The following KRABD1 variants were observed in gnomAD, a reference collection of about 807,000 sequenced individuals.
KRABD1 encodes the protein KRAB domain containing 1, also known as KRAB domain-containing protein 1.
the KRABD1 span, chr3:42,941,107 G>A: frequency 1.1e-4 from 99 of 870,880 alleles, no homozygotes; most frequent in Admixed American, 9.6e-4. Context: ...CTGTAGGCAC[G>A]TGAAGGACCC....
At chr3:42,941,178 C>T in the KRABD1 span, 1 of 1,520,276 alleles carries the variant, frequency 6.6e-7, no homozygotes, top group Non-Finnish European at 8.8e-7. Flanking sequence ...CAGATTTGAC[C>T]ATCACCAAAG....
At chr3:42,938,946 T>C in the KRABD1 span, 4 of 1,529,670 alleles carry the variant, frequency 2.6e-6, no homozygotes, top group South Asian at 1.2e-5. Context: ...GCTGTTTTTT[T>C]CTATCTCTGT....
At chr3:42,940,431 TA>T in the KRABD1 span, among the ~76,000 whole-genome samples, 1 of 152,194 alleles carries the variant, frequency 6.6e-6, no homozygotes, top group African/African-American at 2.4e-5. Context: ...CCAAGGTAAT[TA>T]AAAATACATA....
At chr3:42,940,169 CA>C in the KRABD1 span, among the ~76,000 whole-genome samples, 1 of 152,154 alleles carries the variant, frequency 6.6e-6, no homozygotes, top group South Asian at 2.1e-4. Context: ...AGGCATGGGT[CA>C]AAGTTCTTTT....
the KRABD1 span, chr3:42,942,099 A>G: frequency 2.8e-6 from 4 of 1,426,546 alleles, no homozygotes; most frequent in African/African-American, 4.2e-5. Context: ...GTTCTTCTCC[A>G]GCTTTGTCTC....
At chr3:42,941,919 A>G in the KRABD1 span, 1 of 1,262,266 alleles carries the variant, frequency 7.9e-7, no homozygotes, top group Non-Finnish European at 1.1e-6. Flanking sequence ...CCCTATGACT[A>G]TGCTCATTAT....
the KRABD1 span, among the ~76,000 whole-genome samples, chr3:42,940,518 A>G: frequency 6.6e-6 from 1 of 152,304 alleles, no homozygotes; most frequent in African/African-American, 2.4e-5. Flanking sequence ...TGTTAAGACC[A>G]TTTCCACTAG....
At chr3:42,941,330 C>A in the KRABD1 span, 1 of 1,599,206 alleles carries the variant, frequency 6.3e-7, no homozygotes, top group Non-Finnish European at 8.5e-7. Flanking sequence ...TGCTGGAGAA[C>A]TATGAGGCTG....
the KRABD1 span, chr3:42,941,488 G>T: frequency 2.2e-6 from 2 of 925,684 alleles, no homozygotes; most frequent in South Asian, 4.2e-5. Flanking sequence ...ACTTGCGAAA[G>T]GCTTTCCTTC....
chr3:42,942,526 C>T, the KRABD1 span: 1 of 785,200 alleles, frequency 1.3e-6, no homozygotes. Context: ...TTATGATTTT[C>T]CTCCTCTCTA....
chr3:42,941,311 G>A, the KRABD1 span: 1 of 1,600,026 alleles, frequency 6.2e-7, no homozygotes, highest in African/African-American at 1.3e-5. Context: ...GCCTTGTACA[G>A]GGATGTGATG....
At chr3:42,941,116 C>A in the KRABD1 span, 1 of 1,034,146 alleles carries the variant, frequency 9.7e-7, no homozygotes. Flanking sequence ...CGTGAAGGAC[C>A]CAATACTGAA....
the KRABD1 span, among the ~76,000 whole-genome samples, chr3:42,940,201 A>G: frequency 0.15 from 23,534 of 152,132 alleles, 1,977 homozygotes; most frequent in Non-Finnish European, 0.19. Flanking sequence ...TACATATCCA[A>G]TTGATTCAGG....
chr3:42,938,495 A>G, the KRABD1 span: 70 of 184,874 alleles, frequency 3.8e-4, no homozygotes, highest in African/African-American at 1.4e-3. Context: ...TCTGTACTGT[A>G]TGGATTTCAG....
chr3:42,937,196 A>G, the KRABD1 span: 1 of 152,100 alleles, frequency 6.6e-6, no homozygotes, highest in African/African-American at 2.4e-5. Context: ...TCATAATTTA[A>G]TTGTCAAGGT....
the KRABD1 span, chr3:42,938,314 A>G: frequency 6.6e-6 from 1 of 152,264 alleles, no homozygotes; most frequent in Non-Finnish European, 1.5e-5. Context: ...AGGCATCAAA[A>G]TATTTCTGAT....
At chr3:42,941,435 G>T in the KRABD1 span, 1 of 1,387,890 alleles carries the variant, frequency 7.2e-7, no homozygotes, top group Non-Finnish European at 9.5e-7. Flanking sequence ...CCCAAATAGC[G>T]ATGTCAAAGG....
chr3:42,940,775 G>C, the KRABD1 span, among the ~76,000 whole-genome samples: 1 of 152,168 alleles, frequency 6.6e-6, no homozygotes, highest in South Asian at 2.1e-4. Context: ...AGGCAAGAAC[G>C]AAGGATTAGA....
chr3:42,940,166 G>C, the KRABD1 span, among the ~76,000 whole-genome samples: 1 of 152,058 alleles, frequency 6.6e-6, no homozygotes, highest in African/African-American at 2.4e-5. Context: ...GTGAGGCATG[G>C]GTCAAAGTTC....
Sources: allele counts gnomAD v4.1 joint callset (sites outside exome capture counted in the v4.1 genomes callset), GRCh38; gene constraint gnomAD v4.1.1; transcripts MANE v1.5; gene names NCBI Gene and HGNC (gene_info 2026-07-23, HGNC 2026-07-21).